Variants in XPR1 observed in about 807,000 individuals in gnomAD.
XPR1 encodes the protein solute carrier family 53 member 1.
XPR1 carries 28 observed loss-of-function variants against 87.5 expected under a neutral mutation model. That is an observed-to-expected ratio of 0.32 (90% CI 0.24 to 0.44). The LOEUF is 0.44. Among genes scored for constraint, XPR1 ranks in the 20% least tolerant of loss-of-function variants. The probability of loss-of-function intolerance (pLI) is 1.00; values close to 1 mark genes in which losing one functional copy is unlikely to be tolerated. For synonymous variants in XPR1, 300 were observed against 306.1 expected (o/e 0.98, Z 0.21); for missense variants, 559 against 862.3 (o/e 0.65, Z 4.41).
chr1:180,745,510 C>T (rs528132361), intron 2 of XPR1, among the ~76,000 whole-genome samples: 47 of 152,246 alleles, frequency 3.1e-4, no homozygotes, highest in African/African-American at 1.1e-3. Context: ...TCTTCCAGGC[C>T]CCTGTTACTA....
At chr1:180,762,266 TATA>T (rs1648069781) in intron 2 of XPR1, among the ~76,000 whole-genome samples, 1 of 151,904 alleles carries the variant, frequency 6.6e-6, no homozygotes, top group Non-Finnish European at 1.5e-5. Context: ...AAACTTAAAG[TATA>T]ATAATAATAA....
intron 1 of XPR1, among the ~76,000 whole-genome samples, chr1:180,671,424 G>T (rs1443992046): frequency 6.6e-6 from 1 of 152,188 alleles, no homozygotes; most frequent in African/African-American, 2.4e-5. Flanking sequence ...ACATGCATGA[G>T]TGGAAAGAAA....
intron 3 of XPR1, among the ~76,000 whole-genome samples, chr1:180,802,622 A>G (rs1474170552): frequency 9.9e-5 from 15 of 152,180 alleles, no homozygotes; most frequent in Admixed American, 8.5e-4. Flanking sequence ...ATCACTACCA[A>G]TTCTGGAACA....
chr1:180,797,374 A>C (rs931392086), intron 3 of XPR1, among the ~76,000 whole-genome samples: 8 of 152,176 alleles, frequency 5.3e-5, no homozygotes, highest in Non-Finnish European at 1.0e-4. Flanking sequence ...TAAATATGAA[A>C]AACTTTATAT....
intron 2 of XPR1, among the ~76,000 whole-genome samples, chr1:180,755,571 C>T (rs1160252589): frequency 1.3e-5 from 2 of 152,212 alleles, no homozygotes; most frequent in Non-Finnish European, 2.9e-5. Flanking sequence ...GCCCTCTGCA[C>T]TACTTCACAA....
At chr1:180,710,853 G>A (rs555153054) in intron 2 of XPR1, among the ~76,000 whole-genome samples, 156 of 144,598 alleles carry the variant, frequency 1.1e-3, no homozygotes, top group African/African-American at 3.5e-3. Context: ...CCTCCCGAAC[G>A]GGGCAGCTGG....
intron 1 of XPR1, among the ~76,000 whole-genome samples, chr1:180,672,666 C>T (rs1445883914): frequency 1.3e-5 from 2 of 151,964 alleles, no homozygotes; most frequent in African/African-American, 4.8e-5. Flanking sequence ...ATTATTCACC[C>T]AATATTTCTG....
intron 11 of XPR1, among the ~76,000 whole-genome samples, chr1:180,855,393 A>G (rs1403647478): frequency 6.6e-6 from 1 of 152,174 alleles, no homozygotes; most frequent in Admixed American, 6.5e-5. Context: ...ACAGCTGGGC[A>G]CAGTGGCTCA....
chr1:180,792,113 G>A (rs1216102754), intron 3 of XPR1, among the ~76,000 whole-genome samples: 1 of 152,100 alleles, frequency 6.6e-6, no homozygotes, highest in African/African-American at 2.4e-5. Flanking sequence ...CCCTCATTTA[G>A]CCACCTTCTC....
chr1:180,879,983 C>G, intron 13 of XPR1, 93 bp from the exon 14 acceptor site: 2 of 1,347,406 alleles, frequency 1.5e-6, no homozygotes, highest in Non-Finnish European at 2.1e-6. Flanking sequence ...GTTTTTGTTT[C>G]CATGAGTGGA....
chr1:180,875,583 T>C (rs1340688826), intron 13 of XPR1, among the ~76,000 whole-genome samples: 2 of 150,812 alleles, frequency 1.3e-5, no homozygotes, highest in East Asian at 3.9e-4. Flanking sequence ...AAATGTAAAA[T>C]GCAGCTAGGG....
At position 180,648,332 on chromosome 1, in the gene XPR1, C is replaced by T. The variant is rs74965972; in HGVS notation, c.69+16062C>T. Among the ~76,000 whole-genome samples, 443 of 152,234 alleles carry T rather than the reference C, an allele frequency of 2.9e-3. 6 individuals are homozygous for T. Among genetic ancestry groups the T allele is most frequent in the East Asian group, 0.018 (96 of 5,190 alleles). ...TTAAGTGGCAGTGCCTGTTTAGCTG[C>T]GCTATGTGAGAGTCTCTCATTTCTG... On this transcript the variant is annotated intron_variant, in intron 1 of 14. Transcript: ENST00000367590.
At position 180,632,134 on chromosome 1, in the gene XPR1, C is replaced by T. The variant is rs1262772313; in HGVS notation, c.-68C>T. ...CGCCGGGGCCCATGTGGGGAGGAGT[C>T]GGAGTCGCTGTTGCCGCCGCCGCCT... On this transcript the variant is annotated 5_prime_UTR_variant, in exon 1 of 15. Transcript: ENST00000367590. 1 of 1,544,128 alleles carries T rather than the reference C, an allele frequency of 6.5e-7. No individual in the cohort carries two copies. Among genetic ancestry groups the T allele is most frequent in the East Asian group, 2.4e-5 (1 of 41,300 alleles).
intron 12 of XPR1, among the ~76,000 whole-genome samples, chr1:180,866,361 C>G (rs1180992401): frequency 6.6e-6 from 1 of 152,152 alleles, no homozygotes; most frequent in African/African-American, 2.4e-5. Flanking sequence ...TAGGGATTAA[C>G]AGTTCTTAAA....
intron 7 of XPR1, among the ~76,000 whole-genome samples, chr1:180,824,217 T>G (rs1023700607): frequency 6.6e-6 from 1 of 152,200 alleles, no homozygotes; most frequent in Non-Finnish European, 1.5e-5. Context: ...TGGGAAATTA[T>G]TCTAGTGACA....
chr1:180,780,850 G>C (rs1648910173), intron 2 of XPR1, among the ~76,000 whole-genome samples: 1 of 151,404 alleles, frequency 6.6e-6, no homozygotes, highest in Non-Finnish European at 1.5e-5. Flanking sequence ...TCCTGATATG[G>C]GTTTGCAAAT....
intron 2 of XPR1, among the ~76,000 whole-genome samples, chr1:180,735,666 C>T (rs934987504): frequency 1.3e-5 from 2 of 152,126 alleles, no homozygotes; most frequent in South Asian, 2.1e-4. Flanking sequence ...TTTAACAAAT[C>T]GGAAGCACTA....
intron 1 of XPR1, among the ~76,000 whole-genome samples, chr1:180,673,288 AAAG>A (rs1656247497): frequency 6.6e-6 from 1 of 152,188 alleles, no homozygotes; most frequent in Non-Finnish European, 1.5e-5. Context: ...TTTTACAAAA[AAAG>A]GTATATTGTA....
intron 1 of XPR1, among the ~76,000 whole-genome samples, chr1:180,661,594 G>A (rs1284889774): frequency 6.6e-6 from 1 of 151,960 alleles, no homozygotes. Flanking sequence ...AACTGACTGG[G>A]TGTGGTGGCT....
Sources: gnomAD v4.1 joint callset for allele counts (sites outside exome capture counted in the v4.1 genomes callset) on GRCh38, gnomAD v4.1.1 for gene constraint, MANE v1.5 for transcripts, NCBI Gene and HGNC (gene_info 2026-07-23, HGNC 2026-07-21) for gene names.